Variants in MAN1A2 observed in about 807,000 individuals in gnomAD.
The protein encoded by MAN1A2 is mannosyl-oligosaccharide 1,2-alpha-mannosidase IB.
In MAN1A2, 26 loss-of-function variants were observed where a neutral mutation model predicts 75.7. The ratio of observed to expected loss-of-function variants is 0.34; its 90% CI spans 0.25 to 0.48. The LOEUF (loss-of-function observed/expected upper bound fraction) is 0.48. Among genes scored for constraint, MAN1A2 ranks in the 20% least tolerant of loss-of-function variants. MAN1A2 has a pLI of 0.99. For missense variants in MAN1A2, 562 were observed against 775.5 expected (o/e 0.72, Z 3.27); for synonymous variants, 247 against 264.6 (o/e 0.93, Z 0.65).
At chr1:117,416,322 A>G (rs1394884796) in intron 4 of MAN1A2, among the ~76,000 whole-genome samples, 1 of 152,116 alleles carries the variant, frequency 6.6e-6, no homozygotes, top group Non-Finnish European at 1.5e-5. Flanking sequence ...TGATGTCTGT[A>G]TCTGAATCTG....
At chr1:117,413,720 A>G (rs1445043067) in intron 3 of MAN1A2, among the ~76,000 whole-genome samples, 1 of 151,998 alleles carries the variant, frequency 6.6e-6, no homozygotes, top group Non-Finnish European at 1.5e-5. Flanking sequence ...GTTGTTGAAG[A>G]CAATGTAATA....
chr1:117,394,724 G>A (rs543902065), intron 1 of MAN1A2, among the ~76,000 whole-genome samples: 3 of 152,288 alleles, frequency 2.0e-5, no homozygotes, highest in Admixed American at 6.5e-5. Context: ...AGCTTCAAAG[G>A]AAGGATCAAT....
At chr1:117,444,407 T>A (rs1649143174) in intron 6 of MAN1A2, among the ~76,000 whole-genome samples, 1 of 151,942 alleles carries the variant, frequency 6.6e-6, no homozygotes, top group African/African-American at 2.4e-5. Flanking sequence ...TTTTTTTTTT[T>A]TTAATCTGTG....
At chr1:117,483,995 A>G (rs1650584847) in intron 8 of MAN1A2, among the ~76,000 whole-genome samples, 1 of 151,906 alleles carries the variant, frequency 6.6e-6, no homozygotes, top group South Asian at 2.1e-4. Context: ...ACAAATAATC[A>G]TTGTATAACC....
intron 1 of MAN1A2, 24 bp from the exon 2 acceptor site, chr1:117,402,162 T>C (rs1431242497): frequency 2.5e-6 from 4 of 1,593,236 alleles, no homozygotes; most frequent in African/African-American, 1.4e-5. Context: ...CACTGTTACG[T>C]TTTATTTCCT....
chr1:117,504,779 T>G (rs1373464279), intron 12 of MAN1A2, among the ~76,000 whole-genome samples: 1 of 151,462 alleles, frequency 6.6e-6, no homozygotes, highest in Non-Finnish European at 1.5e-5. Context: ...AATTGACATT[T>G]TTAAAGTTTT....
At chr1:117,444,007 A>G (rs1260345729) in intron 6 of MAN1A2, among the ~76,000 whole-genome samples, 1 of 152,000 alleles carries the variant, frequency 6.6e-6, no homozygotes, top group African/African-American at 2.4e-5. Flanking sequence ...CCATCTTAAT[A>G]ATCTATCATA....
intron 6 of MAN1A2, among the ~76,000 whole-genome samples, chr1:117,445,371 A>G (rs934125052): frequency 2.6e-5 from 4 of 152,148 alleles, no homozygotes; most frequent in Admixed American, 2.6e-4. Context: ...ATATTATTAA[A>G]TTATTAAAAT....
chr1:117,431,815 T>C (rs896687187), intron 5 of MAN1A2, among the ~76,000 whole-genome samples: 1 of 152,130 alleles, frequency 6.6e-6, no homozygotes, highest in African/African-American at 2.4e-5. Flanking sequence ...CCGAGTGTGG[T>C]AGCATGTACC....
At chr1:117,379,807 G>T (rs1046429332) in intron 1 of MAN1A2, among the ~76,000 whole-genome samples, 2 of 152,086 alleles carry the variant, frequency 1.3e-5, no homozygotes, top group Non-Finnish European at 2.9e-5. Context: ...ACAGGTAACA[G>T]GTATTAGCAC....
chr1:117,512,082 C>G (rs1319087671), intron 12 of MAN1A2, among the ~76,000 whole-genome samples: 1 of 152,024 alleles, frequency 6.6e-6, no homozygotes, highest in Non-Finnish European at 1.5e-5. Flanking sequence ...AATAGACCTA[C>G]TTTATTTCCT....
At chr1:117,466,845 A>G (rs1437451249) in intron 8 of MAN1A2, among the ~76,000 whole-genome samples, 1 of 152,122 alleles carries the variant, frequency 6.6e-6, no homozygotes, top group East Asian at 1.9e-4. Context: ...TTCATTTTAG[A>G]AGAGGGCATC....
At chr1:117,504,768 A>G (rs1651298912) in intron 12 of MAN1A2, among the ~76,000 whole-genome samples, 1 of 151,314 alleles carries the variant, frequency 6.6e-6, no homozygotes, top group Non-Finnish European at 1.5e-5. Context: ...ATCTTTTATG[A>G]AATTGACATT....
chr1:117,522,155 C>T (rs2101035594), intron 12 of MAN1A2, among the ~76,000 whole-genome samples: 1 of 151,970 alleles, frequency 6.6e-6, no homozygotes, highest in African/African-American at 2.4e-5. Flanking sequence ...TAACCAAATA[C>T]CACCTGTACC....
intron 1 of MAN1A2, among the ~76,000 whole-genome samples, chr1:117,384,416 C>T (rs1436286679): frequency 6.6e-6 from 1 of 151,944 alleles, no homozygotes; most frequent in Non-Finnish European, 1.5e-5. Flanking sequence ...TTTTCATTTT[C>T]CTTCTATTAT....
At chr1:117,518,543 T>C (rs1024974998) in intron 12 of MAN1A2, among the ~76,000 whole-genome samples, 2 of 151,962 alleles carry the variant, frequency 1.3e-5, no homozygotes. Flanking sequence ...TTAAAAAGAA[T>C]GATAGTTGCT....
At chr1:117,516,643 G>A (rs1019857982) in intron 12 of MAN1A2, among the ~76,000 whole-genome samples, 2 of 152,136 alleles carry the variant, frequency 1.3e-5, no homozygotes, top group Non-Finnish European at 2.9e-5. Context: ...CCAGACAGGA[G>A]GCAATGAAGG....
intron 12 of MAN1A2, among the ~76,000 whole-genome samples, chr1:117,516,730 GACATGAT>G (rs1250121265): frequency 6.6e-6 from 1 of 152,130 alleles, no homozygotes; most frequent in Non-Finnish European, 1.5e-5. Flanking sequence ...GAGTTTCCAG[GACATGAT>G]ACAGGGAGGG....
At chr1:117,383,498 C>T (rs1020685472) in intron 1 of MAN1A2, among the ~76,000 whole-genome samples, 2 of 152,102 alleles carry the variant, frequency 1.3e-5, no homozygotes, top group Non-Finnish European at 2.9e-5. Context: ...CATTCCTCCT[C>T]TGTTGTTTTT....
Sources: gnomAD v4.1 joint callset for allele counts (sites outside exome capture counted in the v4.1 genomes callset) on GRCh38, gnomAD v4.1.1 for gene constraint, MANE v1.5 for transcripts, NCBI Gene and HGNC (gene_info 2026-07-23, HGNC 2026-07-21) for gene names.